The following PTPRD variants were observed in gnomAD, a reference collection of about 807,000 sequenced individuals.
The protein encoded by PTPRD is receptor-type tyrosine-protein phosphatase delta.
Under a neutral mutation model 214.5 loss-of-function variants are expected in PTPRD, and 34 were observed. The ratio of observed to expected loss-of-function variants is 0.16; its 90% CI spans 0.12 to 0.21. PTPRD has a LOEUF of 0.21. Among genes scored for constraint, PTPRD ranks in the 10% least tolerant of loss-of-function variants. The pLI is 1.00. For missense variants in PTPRD, 2,545 were observed against 2,398.7 expected (o/e 1.06, Z -1.27); for synonymous variants, 1,128 against 845.7 (o/e 1.33, Z -5.79).
intron 4 of PTPRD, among the ~76,000 whole-genome samples, chr9:10,024,628 T>A (rs1391473463): frequency 2.0e-5 from 3 of 152,110 alleles, no homozygotes; most frequent in Middle Eastern, 3.4e-3. Context: ...ATTCTTTTTT[T>A]TAAATTTTAT....
intron 5 of PTPRD, among the ~76,000 whole-genome samples, chr9:9,815,175 C>T (rs954391102): frequency 6.6e-6 from 1 of 152,020 alleles, no homozygotes; most frequent in Non-Finnish European, 1.5e-5. Context: ...ACTAATGGAT[C>T]AGAATAGAGA....
At chr9:9,581,121 G>C (rs1197008553) in intron 7 of PTPRD, among the ~76,000 whole-genome samples, 1 of 152,008 alleles carries the variant, frequency 6.6e-6, no homozygotes, top group Non-Finnish European at 1.5e-5. Context: ...GTTTTTTATA[G>C]ATCTGTAAGA....
chr9:10,225,601 G>C (rs946991620), intron 3 of PTPRD, among the ~76,000 whole-genome samples: 1 of 151,996 alleles, frequency 6.6e-6, no homozygotes, highest in African/African-American at 2.4e-5. Flanking sequence ...GGTTGGTTGT[G>C]CTGAGACTTG....
intron 3 of PTPRD, among the ~76,000 whole-genome samples, chr9:10,239,557 T>C (rs961010083): frequency 3.3e-5 from 5 of 151,842 alleles, no homozygotes; most frequent in Non-Finnish European, 7.4e-5. Context: ...ATTTGCAAAA[T>C]ATATGTTAAA....
chr9:10,105,482 T>C (rs868839322), intron 3 of PTPRD, among the ~76,000 whole-genome samples: 1 of 151,856 alleles, frequency 6.6e-6, no homozygotes, highest in Non-Finnish European at 1.5e-5. Context: ...GCATGATTCT[T>C]GCCCCTCCAC....
At chr9:9,105,225 G>C (rs1357481134) in intron 10 of PTPRD, among the ~76,000 whole-genome samples, 2 of 152,142 alleles carry the variant, frequency 1.3e-5, no homozygotes, top group East Asian at 1.9e-4. Flanking sequence ...TCCAGCTCTT[G>C]AGAGGTGGCC....
intron 11 of PTPRD, among the ~76,000 whole-genome samples, chr9:8,934,399 G>GTGTT (rs1334436919): frequency 1.2e-4 from 4 of 32,604 alleles, no homozygotes; most frequent in African/African-American, 9.4e-4. Flanking sequence ...AATTATGTGT[G>GTGTT]TGTGTGTGTG....
intron 31 of PTPRD, among the ~76,000 whole-genome samples, chr9:8,469,492 G>A (rs2096611278): frequency 6.6e-6 from 1 of 151,904 alleles, no homozygotes; most frequent in Admixed American, 6.6e-5. Context: ...GTTCAGCTGA[G>A]AACCAATTAA....
intron 9 of PTPRD, among the ~76,000 whole-genome samples, chr9:9,309,306 A>G (rs1213868265): frequency 6.6e-6 from 1 of 151,848 alleles, no homozygotes; most frequent in Non-Finnish European, 1.5e-5. Context: ...ATGAACAGTC[A>G]GTAAATGAAT....
intron 2 of PTPRD, among the ~76,000 whole-genome samples, chr9:10,453,810 T>TTC (rs149444689): frequency 0.012 from 1,820 of 151,760 alleles, 34 homozygotes; most frequent in African/African-American, 0.039. Context: ...TGCCTAATTG[T>TTC]TGTTTAGGAT....
At chr9:9,845,930 A>C (rs762404368) in intron 5 of PTPRD, among the ~76,000 whole-genome samples, 8 of 152,136 alleles carry the variant, frequency 5.3e-5, no homozygotes, top group African/African-American at 1.9e-4. Flanking sequence ...GAGAAGGAGC[A>C]GAGTAACTCA....
chr9:9,010,477 T>A (rs1001850154), intron 11 of PTPRD, among the ~76,000 whole-genome samples: 2 of 152,202 alleles, frequency 1.3e-5, no homozygotes, highest in African/African-American at 4.8e-5. Flanking sequence ...GTTCAGGTAA[T>A]GGGAAATACC....
rs138487878 is a variant in PTPRD, at chr9:10,125,977, G to A, written c.-544-92187C>T. 3.5e-3 allele frequency among the ~76,000 whole-genome samples: 529 copies of A among 152,156 alleles called. 2 individuals carry two copies. The highest frequency in any genetic ancestry group is 0.012 in the African/African-American group (497 of 41,518). ...ATAATTTTACTATCACAATAAGATGGTAAAATAGATTATTAATTTTAAACC... is the reference window on the plus strand; with the variant it reads ...ATAATTTTACTATCACAATAAGATGATAAAATAGATTATTAATTTTAAACC... On this transcript the variant is annotated intron_variant, in intron 3 of 45. Transcript: ENST00000381196.
intron 14 of PTPRD, among the ~76,000 whole-genome samples, chr9:8,542,060 CCTT>C (rs1432997039): frequency 4.6e-5 from 7 of 151,894 alleles, no homozygotes; most frequent in African/African-American, 1.7e-4. Context: ...AAAACCTTGA[CCTT>C]CTTCTTCAAT....
intron 44 of PTPRD, among the ~76,000 whole-genome samples, 167 bp downstream of exon 44, chr9:8,331,405 GATTATTTTCA>G (rs2131611647): frequency 9.5e-6 from 1 of 105,536 alleles, no homozygotes; most frequent in African/African-American, 8.8e-5. Context: ...ATTTTCCTCT[GATTATTTTCA>G]CTTATTTTCA....
At chr9:8,484,680 G>C (rs1183284997) in intron 29 of PTPRD, among the ~76,000 whole-genome samples, 1 of 130,956 alleles carries the variant, frequency 7.6e-6, no homozygotes, top group African/African-American at 3.1e-5. Flanking sequence ...GATCTTAATG[G>C]AATATGTGCA....
intron 7 of PTPRD, among the ~76,000 whole-genome samples, chr9:9,727,702 CT>C (rs1315814201): frequency 6.6e-6 from 1 of 152,094 alleles, no homozygotes; most frequent in African/African-American, 2.4e-5. Context: ...TGTTTAAACA[CT>C]GGTAGTCCTT....
At chr9:8,363,691 A>C (rs916184755) in intron 39 of PTPRD, among the ~76,000 whole-genome samples, 4 of 152,202 alleles carry the variant, frequency 2.6e-5, no homozygotes, top group African/African-American at 9.7e-5. Flanking sequence ...TTGCAGGCTG[A>C]CCAATGTCCT....
At position 10,206,971 on chromosome 9, in the gene PTPRD, A is replaced by G. The variant is rs1594193223; in HGVS notation, c.-545+133992T>C. Among the ~76,000 whole-genome samples the G allele has an allele frequency of 5.3e-5, 8 of 152,304 alleles. No homozygotes were observed. The South Asian group carries it at 1.7e-3, about 32-fold the overall frequency. ...TTCAGTTATGAACAACATTATAAAAATTCATTTTGTAAAACTGAGGTCAAA... is the reference window on the plus strand; with the variant it reads ...TTCAGTTATGAACAACATTATAAAAGTTCATTTTGTAAAACTGAGGTCAAA... On this transcript the variant is annotated intron_variant, in intron 3 of 45. Coordinates refer to ENST00000381196, the MANE Select transcript of PTPRD (RefSeq NM_002839.4).
Sources: allele counts gnomAD v4.1 joint callset (sites outside exome capture counted in the v4.1 genomes callset), GRCh38; gene constraint gnomAD v4.1.1; transcripts MANE v1.5; gene names NCBI Gene and HGNC (gene_info 2026-07-23, HGNC 2026-07-21).